The following CAMK2D variants were observed in gnomAD, a reference collection of about 807,000 sequenced individuals.
CAMK2D encodes the protein calcium/calmodulin dependent protein kinase II delta, also known as calcium/calmodulin-dependent protein kinase type II subunit delta.
Under a neutral mutation model 84.0 loss-of-function variants are expected in CAMK2D, and 37 were observed. The ratio of observed to expected loss-of-function variants is 0.44; its 90% CI spans 0.34 to 0.58. CAMK2D has a LOEUF of 0.58. Among genes scored for constraint, CAMK2D ranks in the 20% least tolerant of loss-of-function variants. The pLI is 0.02. For missense variants in CAMK2D, 448 were observed against 652.5 expected, an observed-to-expected ratio of 0.69 and a Z score of 3.41; for synonymous variants, 202 against 212.5, an observed-to-expected ratio of 0.95 and a Z score of 0.43.
intron 4 of CAMK2D, among the ~76,000 whole-genome samples, chr4:113,553,716 C>A (rs997832945): frequency 6.6e-6 from 1 of 152,096 alleles, no homozygotes; most frequent in African/African-American, 2.4e-5. Flanking sequence ...TCATATAAAT[C>A]TTCATATAGG....
intron 2 of CAMK2D, among the ~76,000 whole-genome samples, chr4:113,728,182 AACATATTCTAGT>A (rs2099551882): frequency 6.6e-6 from 1 of 152,210 alleles, no homozygotes; most frequent in Non-Finnish European, 1.5e-5. Flanking sequence ...TAGAAATGAA[AACATATTCTAGT>A]ACATATATGC....
intron 6 of CAMK2D, among the ~76,000 whole-genome samples, chr4:113,547,200 C>T (rs983824781): frequency 3.9e-5 from 6 of 152,166 alleles, no homozygotes; most frequent in Admixed American, 2.0e-4. Context: ...AGCACATAAT[C>T]GTTTAGGCTA....
intron 3 of CAMK2D, among the ~76,000 whole-genome samples, chr4:113,646,601 A>C (rs2099152908): frequency 6.6e-6 from 1 of 152,182 alleles, no homozygotes; most frequent in African/African-American, 2.4e-5. Context: ...CTCCAGGCAA[A>C]GGCCCAGCAG....
chr4:113,457,251 T>C, intron 19 of CAMK2D, 84 bp downstream of exon 19: 1 of 1,547,528 alleles, frequency 6.5e-7, no homozygotes, highest in South Asian at 1.2e-5. Context: ...AAATAACATA[T>C]ACCATGCTAT....
chr4:113,690,236 C>T (rs1347739021), intron 2 of CAMK2D, among the ~76,000 whole-genome samples: 1 of 152,142 alleles, frequency 6.6e-6, no homozygotes, highest in African/African-American at 2.4e-5. Context: ...ACCCTACCTC[C>T]ATTCCTGAAT....
intron 8 of CAMK2D, among the ~76,000 whole-genome samples, chr4:113,520,917 C>T (rs1055263382): frequency 1.3e-5 from 2 of 151,816 alleles, no homozygotes; most frequent in African/African-American, 4.8e-5. Flanking sequence ...TAGTCCCAGC[C>T]ACTTGGGAGG....
intron 4 of CAMK2D, among the ~76,000 whole-genome samples, chr4:113,586,871 A>C (rs574626563): frequency 1.8e-3 from 276 of 152,286 alleles, no homozygotes; most frequent in Non-Finnish European, 3.4e-3. Context: ...AGGTAAAAGA[A>C]CAGGGTCATG....
chr4:113,691,800 G>A lies in CAMK2D; in HGVS notation c.161-30028C>T, dbSNP rs574558518. Among the ~76,000 whole-genome samples, 285 of 152,124 alleles carry A rather than the reference G, an allele frequency of 1.9e-3. 3 individuals are homozygous for A. The highest frequency in any genetic ancestry group is 9.7e-4 in the Non-Finnish European group (66 of 67,966). On this transcript the variant is annotated intron_variant, in intron 2 of 20. Coordinates refer to ENST00000511664, the MANE Select transcript of CAMK2D (RefSeq NM_001321571.2). ...TAAAATGAGTAAATGTTTCTGAATG[G>A]TTGAGGAAATCCCACCAAATACATT...
At chr4:113,633,492 G>T (rs1255773185) in intron 3 of CAMK2D, among the ~76,000 whole-genome samples, 1 of 152,174 alleles carries the variant, frequency 6.6e-6, no homozygotes, top group Non-Finnish European at 1.5e-5. Flanking sequence ...AATGTAATTT[G>T]TAAATCAATT....
intron 3 of CAMK2D, among the ~76,000 whole-genome samples, chr4:113,634,665 G>C (rs990001014): frequency 6.6e-6 from 1 of 152,176 alleles, no homozygotes; most frequent in Non-Finnish European, 1.5e-5. Context: ...ATTAGCACTA[G>C]AGCGTTTTTG....
intron 2 of CAMK2D, chr4:113,679,295 C>A (rs750750168): frequency 6.1e-6 from 1 of 163,430 alleles, no homozygotes; most frequent in Non-Finnish European, 1.3e-5. Flanking sequence ...CATAAATAAA[C>A]AGTGTGCAAA....
chr4:113,503,841 C>T (rs953055421), intron 14 of CAMK2D, among the ~76,000 whole-genome samples: 2 of 152,128 alleles, frequency 1.3e-5, no homozygotes, highest in Non-Finnish European at 2.9e-5. Flanking sequence ...ATGCATACAT[C>T]AGTGACATGC....
intron 2 of CAMK2D, among the ~76,000 whole-genome samples, chr4:113,671,289 T>C (rs1201198879): frequency 6.6e-6 from 1 of 152,212 alleles, no homozygotes; most frequent in Non-Finnish European, 1.5e-5. Flanking sequence ...CACAGATTTT[T>C]TATGGTTCCT....
chr4:113,572,118 T>C (rs927402605), intron 4 of CAMK2D, among the ~76,000 whole-genome samples: 1 of 151,804 alleles, frequency 6.6e-6, no homozygotes. Context: ...TTTAAAAGAA[T>C]AGGGTTGTGC....
At chr4:113,520,879 T>C (rs6533692) in intron 8 of CAMK2D, among the ~76,000 whole-genome samples, 98,160 of 151,832 alleles carry the variant, frequency 0.65, 33,391 homozygotes, top group African/African-American at 0.86. Context: ...AATAGAAAAA[T>C]TTAGCCAGGT....
rs1472273890 is a variant in CAMK2D, at chr4:113,451,358, TAAC to T, written c.*3184_*3186del. ...GTATACCCTCGTGAGCAAAGAATAA[TAAC>T]AATAGGAATATTAATGTCAGTGATC... On this transcript the variant is annotated 3_prime_UTR_variant, in exon 21 of 21. Coordinates refer to ENST00000511664, the MANE Select transcript of CAMK2D (RefSeq NM_001321571.2). The T allele has an allele frequency of 3.3e-5, 5 of 152,162 alleles. No individual in the cohort carries two copies. Among genetic ancestry groups the T allele is most frequent in the Non-Finnish European group, 5.9e-5 (4 of 68,012 alleles). 9.4% of individuals were successfully genotyped at this position (152,162 alleles called of 1,614,324 possible).
At chr4:113,589,125 C>CACACTG (rs2098847195) in intron 4 of CAMK2D, among the ~76,000 whole-genome samples, 1 of 151,984 alleles carries the variant, frequency 6.6e-6, no homozygotes, top group Non-Finnish European at 1.5e-5. Context: ...GTGGCTGGGG[C>CACACTG]TGAGTGGGTC....
intron 4 of CAMK2D, among the ~76,000 whole-genome samples, chr4:113,603,682 A>T (rs910607318): frequency 1.0e-4 from 15 of 148,220 alleles, no homozygotes; most frequent in African/African-American, 3.2e-4. Context: ...TAAATTTAAA[A>T]TAGCAAGAAA....
intron 2 of CAMK2D, among the ~76,000 whole-genome samples, chr4:113,725,325 T>C (rs2099542679): frequency 6.6e-6 from 1 of 152,118 alleles, no homozygotes; most frequent in Non-Finnish European, 1.5e-5. Context: ...CAGCAACTAT[T>C]TTTGCAGAGT....
Sources: allele counts gnomAD v4.1 joint callset (sites outside exome capture counted in the v4.1 genomes callset), GRCh38; gene constraint gnomAD v4.1.1; transcripts MANE v1.5; gene names NCBI Gene and HGNC (gene_info 2026-07-23, HGNC 2026-07-21).